Variants in TTLL7 observed in about 807,000 individuals in gnomAD.
TTLL7 encodes tubulin polyglutamylase TTLL7.
Under a neutral mutation model 120.2 loss-of-function variants are expected in TTLL7, and 53 were observed. The observed-to-expected ratio is 0.44, with a 90% CI of 0.35 to 0.55. The LOEUF (loss-of-function observed/expected upper bound fraction) is 0.55. Ranked by LOEUF, TTLL7 falls within the 20% of genes least tolerant of loss-of-function variation. The pLI is 0.00. For missense variants in TTLL7, 803 were observed against 1,054.7 expected, an observed-to-expected ratio of 0.76 and a Z score of 3.31; for synonymous variants, 353 against 351.7, an observed-to-expected ratio of 1.00 and a Z score of -0.04.
At chr1:83,979,016 G>A (rs895055707) in intron 1 of TTLL7, 1 of 152,180 alleles carries the variant, frequency 6.6e-6, no homozygotes, top group Non-Finnish European at 1.5e-5. Flanking sequence ...CCCTTCTCTT[G>A]TGAGCTCTCA....
intron 14 of TTLL7, among the ~76,000 whole-genome samples, chr1:83,914,520 C>T (rs1045259894): frequency 2.6e-5 from 4 of 151,780 alleles, no homozygotes; most frequent in South Asian, 2.1e-4. Flanking sequence ...TTAGTAGAGA[C>T]GGGGTTTCAC....
chr1:83,943,456 T>G (rs1024059006), intron 6 of TTLL7, among the ~76,000 whole-genome samples: 2 of 152,186 alleles, frequency 1.3e-5, no homozygotes, highest in Non-Finnish European at 2.9e-5. Context: ...ATTATTTGTT[T>G]GCATGTTAAA....
chr1:83,873,471 GT>G (rs1329024369), intron 20 of TTLL7, among the ~76,000 whole-genome samples: 1 of 152,076 alleles, frequency 6.6e-6, no homozygotes, highest in East Asian at 1.9e-4. Context: ...TAAAGAATTT[GT>G]GTAAAGCACT....
At chr1:83,871,631 C>T (rs916624148) in intron 20 of TTLL7, among the ~76,000 whole-genome samples, 1 of 151,798 alleles carries the variant, frequency 6.6e-6, no homozygotes, top group Non-Finnish European at 1.5e-5. Context: ...CGCGGTGGCT[C>T]ACGCCTGTAA....
At chr1:83,911,655 G>A (rs1039344922) in intron 14 of TTLL7, among the ~76,000 whole-genome samples, 8 of 151,958 alleles carry the variant, frequency 5.3e-5, no homozygotes, top group Non-Finnish European at 1.2e-4. Context: ...AAAATAAAGG[G>A]AAAATATTTG....
intron 7 of TTLL7, among the ~76,000 whole-genome samples, chr1:83,939,023 T>G (rs1647682029): frequency 6.6e-6 from 1 of 152,222 alleles, no homozygotes. Flanking sequence ...TGTTTATTAA[T>G]CCATGTGCCT....
intron 18 of TTLL7, among the ~76,000 whole-genome samples, chr1:83,898,548 T>C (rs1656441912): frequency 6.6e-6 from 1 of 152,026 alleles, no homozygotes; most frequent in Non-Finnish European, 1.5e-5. Context: ...TTCTATTACA[T>C]GCTTTTGCCT....
At chr1:83,890,264 ATAAC>A in intron 19 of TTLL7, 53 bp downstream of exon 19, 1 of 1,500,258 alleles carries the variant, frequency 6.7e-7, no homozygotes, top group South Asian at 1.3e-5. Context: ...GGATATCTCT[ATAAC>A]TAAATAGTAA....
chr1:83,889,432 G>A (rs1655257552), intron 19 of TTLL7, among the ~76,000 whole-genome samples: 1 of 151,968 alleles, frequency 6.6e-6, no homozygotes, highest in African/African-American at 2.4e-5. Flanking sequence ...ATCTGCTAGA[G>A]ACATCAGAGT....
At chr1:83,915,101 G>T (rs185477252) in intron 14 of TTLL7, among the ~76,000 whole-genome samples, 15 of 152,196 alleles carry the variant, frequency 9.9e-5, no homozygotes, top group African/African-American at 3.4e-4. Context: ...AAGCAACAGC[G>T]GTTCAGCTGA....
In TTLL7 at chr1:83,919,758, G is replaced by C; in HGVS notation, c.1441C>G (p.Leu481Val). 6.2e-7 allele frequency: 1 copy of C among 1,612,970 alleles called. No individual in the cohort carries two copies. The highest frequency in any genetic ancestry group is 2.2e-5 in the East Asian group (1 of 44,798). ...TGGAATGAAGCTGCTCTTCCTGAAA[G>C]GAAGGTCTGAAAGGCAACAGCTAAC... ...NLLAVAFQTF[L>V]SGRAASFQRE... Residue 481 changes from leucine to valine, a missense_variant, in exon 13 of 21, where the codon CTT (leucine) becomes GTT (valine). Physicochemically the swap from Leu to Val is conservative, Grantham distance 32. Transcript: ENST00000260505.
intron 1 of TTLL7, among the ~76,000 whole-genome samples, chr1:83,960,332 CT>C (rs1253223105): frequency 6.6e-6 from 1 of 152,050 alleles, no homozygotes; most frequent in Non-Finnish European, 1.5e-5. Flanking sequence ...TGGAGACAAT[CT>C]TAAGAGGATA....
At chr1:83,876,261 T>C (rs986543332) in intron 20 of TTLL7, among the ~76,000 whole-genome samples, 1 of 151,966 alleles carries the variant, frequency 6.6e-6, no homozygotes, top group Non-Finnish European at 1.5e-5. Flanking sequence ...ATGGTTTTTC[T>C]GAATGGTTCC....
intron 14 of TTLL7, 80 bp from the exon 15 acceptor site, chr1:83,911,443 T>TC: frequency 8.8e-7 from 1 of 1,142,012 alleles, no homozygotes; most frequent in Non-Finnish European, 1.2e-6. Flanking sequence ...ATTTTTAATT[T>TC]CCCCCTATGC....
At chr1:83,967,857 A>T (rs964772803) in intron 1 of TTLL7, among the ~76,000 whole-genome samples, 4 of 152,034 alleles carry the variant, frequency 2.6e-5, no homozygotes, top group African/African-American at 9.7e-5. Context: ...TTCTCAAAAA[A>T]CAAAGATAAA....
At chr1:83,981,785 C>T (rs988458565) in intron 1 of TTLL7, among the ~76,000 whole-genome samples, 5 of 150,754 alleles carry the variant, frequency 3.3e-5, no homozygotes, top group African/African-American at 4.9e-5. Flanking sequence ...GAGCCAAGAT[C>T]GCACCACTGC....
At chr1:83,881,878 C>G (rs1286985403) in intron 20 of TTLL7, among the ~76,000 whole-genome samples, 2 of 149,712 alleles carry the variant, frequency 1.3e-5, no homozygotes, top group Non-Finnish European at 3.0e-5. Flanking sequence ...GAAAATGTGG[C>G]ACATATACAC....
intron 1 of TTLL7, among the ~76,000 whole-genome samples, chr1:83,982,610 C>T (rs990472597): frequency 4.6e-5 from 7 of 152,016 alleles, no homozygotes; most frequent in African/African-American, 9.7e-5. Context: ...ACTGAAAGAT[C>T]GCTACAGGGA....
chr1:83,887,843 C>T (rs562112327), intron 19 of TTLL7, among the ~76,000 whole-genome samples: 40 of 151,978 alleles, frequency 2.6e-4, no homozygotes, highest in South Asian at 2.1e-3. Flanking sequence ...CTGTAAATGA[C>T]GGTAATAATT....
Sources: gnomAD v4.1 joint callset for allele counts (sites outside exome capture counted in the v4.1 genomes callset) on GRCh38, gnomAD v4.1.1 for gene constraint, MANE v1.5 for transcripts, NCBI Gene and HGNC (gene_info 2026-07-23, HGNC 2026-07-21) for gene names.